The following DPP10 variants were observed in gnomAD, a reference collection of about 807,000 sequenced individuals.
The protein encoded by DPP10 is inactive dipeptidyl peptidase 10.
A neutral mutation model predicts 120.9 loss-of-function variants in DPP10; 33 were observed. The observed-to-expected ratio is 0.27, with a 90% CI of 0.21 to 0.37. The LOEUF (loss-of-function observed/expected upper bound fraction) is 0.37, where lower values mean the gene tolerates loss of function less well. Ranked by LOEUF, DPP10 falls within the 10% of genes least tolerant of loss-of-function variation. DPP10 has a pLI of 1.00. For synonymous variants in DPP10, 337 were observed against 326.1 expected (o/e 1.03, Z -0.36); for missense variants, 816 against 942.8 (o/e 0.87, Z 1.76).
At chr2:115,379,938 T>A (rs1206340483) in intron 3 of DPP10, among the ~76,000 whole-genome samples, 1 of 152,210 alleles carries the variant, frequency 6.6e-6, no homozygotes, top group Admixed American at 6.5e-5. Context: ...TAATTTCTGT[T>A]CTTTTACATT....
Position 114,798,543 on chromosome 2 carries a change from G to C in DPP10, c.60+355705G>C, listed in dbSNP as rs540778750. Among the ~76,000 whole-genome samples the C allele has an allele frequency of 1.5e-4, 23 of 152,196 alleles. No homozygotes were observed. In the East Asian group the frequency reaches 4.3e-3, roughly 28 times the overall value. On this transcript the variant is annotated intron_variant, in intron 1 of 25. Coordinates refer to ENST00000410059, the MANE Select transcript of DPP10 (RefSeq NM_020868.6). ...CCCATACTGAGAATAAGGGCTCTCAGGCACTGAAGGCTGCACATCTTATGA... is the reference window on the plus strand; with the variant it reads ...CCCATACTGAGAATAAGGGCTCTCACGCACTGAAGGCTGCACATCTTATGA...
intron 5 of DPP10, among the ~76,000 whole-genome samples, chr2:115,564,540 C>T (rs1313467099): frequency 6.6e-6 from 1 of 152,020 alleles, no homozygotes; most frequent in African/African-American, 2.4e-5. Context: ...TTTCAAAGAC[C>T]TTGTGGTATT....
intron 3 of DPP10, among the ~76,000 whole-genome samples, chr2:115,362,406 A>G (rs953119915): frequency 2.0e-5 from 3 of 152,208 alleles, no homozygotes; most frequent in Non-Finnish European, 4.4e-5. Context: ...TTTAAAGCAA[A>G]TAGGTGACTT....
chr2:114,801,403 A>G (rs914325316), intron 1 of DPP10, among the ~76,000 whole-genome samples: 4 of 152,156 alleles, frequency 2.6e-5, no homozygotes, highest in African/African-American at 7.2e-5. Context: ...CCGGACCCCA[A>G]CTCCCCTTCA....
At chr2:115,712,498 A>C (rs2149576194) in intron 7 of DPP10, among the ~76,000 whole-genome samples, 1 of 123,762 alleles carries the variant, frequency 8.1e-6, no homozygotes, top group East Asian at 2.7e-4. Context: ...CTAGTTCTCA[A>C]CATTCGCAAT....
At chr2:115,743,166 A>G (rs1404697545) in intron 9 of DPP10, among the ~76,000 whole-genome samples, 2 of 152,060 alleles carry the variant, frequency 1.3e-5, no homozygotes, top group Non-Finnish European at 2.9e-5. Context: ...AAACCCTCCA[A>G]TCTGCAAACT....
intron 24 of DPP10, among the ~76,000 whole-genome samples, chr2:115,839,904 T>C (rs930526748): frequency 1.3e-5 from 2 of 152,080 alleles, no homozygotes; most frequent in Non-Finnish European, 2.9e-5. Flanking sequence ...GTAACCAGTA[T>C]GCTCTATATT....
At chr2:115,211,681 CA>C (rs1224374703) in intron 1 of DPP10, among the ~76,000 whole-genome samples, 1 of 151,836 alleles carries the variant, frequency 6.6e-6, no homozygotes, top group African/African-American at 2.4e-5. Context: ...TTTTTATTGA[CA>C]GAAGCAATAA....
chr2:115,751,022 G>C (rs995548955), intron 10 of DPP10, among the ~76,000 whole-genome samples: 2 of 152,112 alleles, frequency 1.3e-5, no homozygotes, highest in East Asian at 3.9e-4. Flanking sequence ...GATTATATTA[G>C]AAAAGCAACT....
chr2:114,941,073 T>C (rs916998570), intron 1 of DPP10, among the ~76,000 whole-genome samples: 1 of 152,218 alleles, frequency 6.6e-6, no homozygotes, highest in Admixed American at 6.5e-5. Flanking sequence ...TTAGAACTTG[T>C]TTTATCGACC....
chr2:114,886,383 A>G (rs1252278681), intron 1 of DPP10, among the ~76,000 whole-genome samples: 1 of 152,214 alleles, frequency 6.6e-6, no homozygotes, highest in Non-Finnish European at 1.5e-5. Context: ...ATACTTTATC[A>G]TACAAATATT....
In DPP10 at chr2:115,780,954, G is replaced by A; in HGVS notation, c.1442G>A (p.Ser481Asn). Reference protein sequence around the residue: ...MKEQCTYFDASFSPMNQHFLL... With the variant: ...MKEQCTYFDANFSPMNQHFLL... ...GAACAATGTACATATTTTGATGCCA[G>A]TTTTAGTCCCATGAATCAACATTTC... is the stretch of plus-strand genomic sequence containing the variant. The change falls in exon 16 of 26, where the codon AGT (serine) becomes AAT (asparagine). Residue 481 changes from serine to asparagine, a missense_variant. Ser to Asn is a conservative substitution (Grantham distance 46, BLOSUM62 1). Around this residue, in one of 3 missense-constraint regions of DPP10, gnomAD observed 592 missense variants for 649.0 expected, o/e 0.91. Coordinates refer to ENST00000410059, the MANE Select transcript of DPP10 (RefSeq NM_020868.6). The A allele has an allele frequency of 6.3e-7, 1 of 1,599,666 alleles. No individual in the cohort carries two copies. The highest frequency in any genetic ancestry group is 1.1e-5 in the South Asian group (1 of 89,244).
chr2:115,686,691 G>T (rs964540187), intron 5 of DPP10, among the ~76,000 whole-genome samples: 1 of 151,900 alleles, frequency 6.6e-6, no homozygotes, highest in Non-Finnish European at 1.5e-5. Flanking sequence ...TTTCTTGATG[G>T]GATTGAATGA....
At chr2:114,956,243 T>A (rs1312596639) in intron 1 of DPP10, among the ~76,000 whole-genome samples, 2 of 152,064 alleles carry the variant, frequency 1.3e-5, no homozygotes, top group African/African-American at 2.4e-5. Flanking sequence ...TTCAGTAAAG[T>A]TGCAGTATAC....
chr2:115,503,028 A>G (rs1054359173), intron 4 of DPP10, among the ~76,000 whole-genome samples: 1 of 152,248 alleles, frequency 6.6e-6, no homozygotes, highest in Middle Eastern at 3.4e-3. Context: ...CTTATGCATT[A>G]ATATGAAAAG....
intron 3 of DPP10, among the ~76,000 whole-genome samples, chr2:115,483,305 G>A (rs997499771): frequency 6.6e-6 from 1 of 152,046 alleles, no homozygotes; most frequent in Non-Finnish European, 1.5e-5. Context: ...GATGACAAAA[G>A]TAAATTACAG....
chr2:115,289,096 G>C (rs1394192257), intron 1 of DPP10, among the ~76,000 whole-genome samples: 1 of 152,022 alleles, frequency 6.6e-6, no homozygotes, highest in Non-Finnish European at 1.5e-5. Context: ...TTCAGTAAAG[G>C]CTCGGGTTAC....
At chr2:115,149,062 C>A (rs1436986808) in intron 1 of DPP10, among the ~76,000 whole-genome samples, 1 of 152,020 alleles carries the variant, frequency 6.6e-6, no homozygotes, top group Non-Finnish European at 1.5e-5. Context: ...GGATTTTACC[C>A]CAGGGTGGAT....
chr2:115,685,228 A>C (rs2090919953), intron 5 of DPP10, among the ~76,000 whole-genome samples: 1 of 151,898 alleles, frequency 6.6e-6, no homozygotes, highest in Admixed American at 6.6e-5. Flanking sequence ...TGAAAGCTAA[A>C]TTTGAGTTAT....
Sources: gnomAD v4.1 joint callset for allele counts (sites outside exome capture counted in the v4.1 genomes callset) on GRCh38, gnomAD v4.1.1 for gene constraint, gnomAD v4.1.1 regional missense constraint, MANE v1.5 for transcripts, NCBI Gene and HGNC (gene_info 2026-07-23, HGNC 2026-07-21) for gene names.